Variants in MAOA observed in about 807,000 individuals in gnomAD.
MAOA encodes the protein monoamine oxidase A.
Under a neutral mutation model 42.0 loss-of-function variants are expected in MAOA, and 6 were observed. That is an observed-to-expected ratio of 0.14 (90% CI 0.08 to 0.28). The LOEUF is 0.28. Among genes scored for constraint, MAOA ranks in the 10% least tolerant of loss-of-function variants. MAOA has a pLI of 1.00. For synonymous variants in MAOA, 140 were observed against 154.0 expected, an observed-to-expected ratio of 0.91 and a Z score of 0.67; for missense variants, 262 against 422.3, an observed-to-expected ratio of 0.62 and a Z score of 3.33.
At chrX:43,685,410 AAAGT>A (rs1408819761) in intron 2 of MAOA, among the ~76,000 whole-genome samples, 2 of 111,855 alleles carry the variant, frequency 1.8e-5, no homozygotes, top group African/African-American at 6.5e-5. Flanking sequence ...GGATCCTGGG[AAAGT>A]AAGTATTTCA....
intron 1 of MAOA, among the ~76,000 whole-genome samples, chrX:43,679,984 C>T (rs1410273016): frequency 6.3e-5 from 7 of 111,845 alleles, no homozygotes; most frequent in African/African-American, 2.3e-4. Flanking sequence ...ACATATTGCG[C>T]CAAGACTGGC....
intron 12 of MAOA, chrX:43,743,568 T>A: frequency 2.3e-6 from 1 of 435,098 alleles, no homozygotes; most frequent in Admixed American, 3.7e-5. Context: ...TCCCCTTTAA[T>A]GATTGATGAT....
chrX:43,718,069 G>T (rs1292260719), intron 5 of MAOA, among the ~76,000 whole-genome samples: 1 of 110,939 alleles, frequency 9.0e-6, no homozygotes, highest in African/African-American at 3.3e-5. Context: ...ATGGTTAGAT[G>T]GTGTGGCAGG....
intron 1 of MAOA, among the ~76,000 whole-genome samples, chrX:43,680,262 G>C (rs1314066783): frequency 9.0e-6 from 1 of 111,362 alleles, no homozygotes; most frequent in Non-Finnish European, 1.9e-5. Flanking sequence ...TTCTGTATAT[G>C]AGTAAAATAC....
intron 10 of MAOA, among the ~76,000 whole-genome samples, chrX:43,737,617 G>A (rs1273126890): frequency 9.0e-6 from 1 of 111,390 alleles, no homozygotes; most frequent in Non-Finnish European, 1.9e-5. Context: ...AAAGGGCCTA[G>A]CTAGTTCCCT....
chrX:43,701,517 C>T (rs1457547229), intron 3 of MAOA, among the ~76,000 whole-genome samples: 2 of 111,721 alleles, frequency 1.8e-5, no homozygotes, highest in Admixed American at 9.5e-5. Context: ...GCCACTGTCG[C>T]CACCATCCAT....
intron 1 of MAOA, among the ~76,000 whole-genome samples, chrX:43,669,880 A>G (rs900944181): frequency 8.9e-6 from 1 of 111,909 alleles, no homozygotes; most frequent in African/African-American, 3.2e-5. Flanking sequence ...TACATCCTCA[A>G]AGAAGTACTT....
chrX:43,708,069 G>A (rs750892292), intron 3 of MAOA, among the ~76,000 whole-genome samples: 1 of 111,829 alleles, frequency 8.9e-6, no homozygotes, highest in Admixed American at 9.5e-5. Flanking sequence ...GATTGAAGAT[G>A]TAGTTTCTCA....
At chrX:43,668,324 G>A (rs919505724) in intron 1 of MAOA, among the ~76,000 whole-genome samples, 1 of 111,753 alleles carries the variant, frequency 8.9e-6, no homozygotes, top group East Asian at 2.8e-4. Flanking sequence ...AGCATGTCTG[G>A]TCATTTTTCC....
intron 10 of MAOA, among the ~76,000 whole-genome samples, chrX:43,737,133 G>A (rs141906851): frequency 1.8e-5 from 2 of 111,568 alleles, no homozygotes; most frequent in African/African-American, 6.5e-5. Context: ...TGGTTTGCAG[G>A]TAAGCTTTAC....
At chrX:43,660,532 A>G (rs1412192723) in intron 1 of MAOA, among the ~76,000 whole-genome samples, 1 of 111,234 alleles carries the variant, frequency 9.0e-6, no homozygotes, top group Non-Finnish European at 1.9e-5. Flanking sequence ...TCCTCAGGCT[A>G]CACTACGTTT....
chrX:43,725,922 A>G (rs1407130694), intron 5 of MAOA, among the ~76,000 whole-genome samples: 1 of 111,791 alleles, frequency 8.9e-6, no homozygotes, highest in African/African-American at 3.3e-5. Flanking sequence ...TTTCTCCTTC[A>G]TTTATGAAAC....
chrX:43,657,855 T>C, intron 1 of MAOA: 1 of 735,684 alleles, frequency 1.4e-6, no homozygotes, highest in Non-Finnish European at 1.6e-6. Context: ...TTGTTTATCC[T>C]GAACAGGCCA....
At chrX:43,662,370 T>A (rs1361811711) in intron 1 of MAOA, among the ~76,000 whole-genome samples, 1 of 111,810 alleles carries the variant, frequency 8.9e-6, no homozygotes, top group East Asian at 2.8e-4. Flanking sequence ...CTGATTTTTT[T>A]TTTTTGAAAT....
At chrX:43,719,224 C>A (rs2033769374) in intron 5 of MAOA, among the ~76,000 whole-genome samples, 1 of 110,649 alleles carries the variant, frequency 9.0e-6, no homozygotes, top group African/African-American at 3.3e-5. Flanking sequence ...TCGAAATGAC[C>A]CAGAGGGGTA....
At position 43,731,305 on chromosome X, in the gene MAOA, A is replaced by T. The variant is rs2033878817; in HGVS notation, c.710A>T (p.Gln237Leu). The change falls in exon 7 of 15, where the codon CAA (glutamine) becomes CTA (leucine). Residue 237 changes from glutamine to leucine, a missense_variant. Physicochemically the swap from Gln to Leu is moderately radical, Grantham distance 113 (BLOSUM62 -2). Coordinates refer to ENST00000338702, the MANE Select transcript of MAOA (RefSeq NM_000240.4). ...CGGATAATGGACCTCCTCGGAGACC[A>T]AGTGAAGCTGAACCATCCTGTCACT... ...SERIMDLLGD[Q>L]VKLNHPVTHV... 2 of 1,209,145 alleles carry T rather than the reference A, an allele frequency of 1.7e-6. No homozygotes were observed. Among genetic ancestry groups the T allele is most frequent in the African/African-American group, 1.7e-5 (1 of 57,847 alleles).
chrX:43,737,943 G>A (rs920653745), intron 10 of MAOA, among the ~76,000 whole-genome samples: 3 of 111,733 alleles, frequency 2.7e-5, no homozygotes, highest in African/African-American at 9.8e-5. Context: ...TCCACACAGT[G>A]GCTGAACTTC....
chrX:43,737,628 C>T (rs938647981), intron 10 of MAOA, among the ~76,000 whole-genome samples: 13 of 111,463 alleles, frequency 1.2e-4, no homozygotes, highest in African/African-American at 3.6e-4. Flanking sequence ...CTAGTTCCCT[C>T]CAGCCCATTT....
intron 3 of MAOA, 136 bp from the exon 4 acceptor site, chrX:43,711,736 G>T: frequency 2.0e-6 from 1 of 506,396 alleles, no homozygotes; most frequent in East Asian, 3.5e-5. Context: ...TGCCATCAAA[G>T]GTAATGTTTC....
Sources: gnomAD v4.1 joint callset for allele counts (sites outside exome capture counted in the v4.1 genomes callset) on GRCh38, gnomAD v4.1.1 for gene constraint, MANE v1.5 for transcripts, NCBI Gene and HGNC (gene_info 2026-07-23, HGNC 2026-07-21) for gene names.